Variants in BBS9 observed in about 807,000 individuals in gnomAD.
BBS9 encodes the protein Bardet-Biedl syndrome 9.
Under a neutral mutation model 117.7 loss-of-function variants are expected in BBS9, and 89 were observed. The observed-to-expected ratio is 0.76, with a 90% CI of 0.64 to 0.90. BBS9 has a LOEUF of 0.90. BBS9 is among the 40% of genes least tolerant of loss of function. The pLI, the probability that BBS9 is intolerant of heterozygous loss-of-function variation, is 0.00. For missense variants in BBS9, 982 were observed against 1,042.2 expected (o/e 0.94, Z 0.80); for synonymous variants, 379 against 370.9 (o/e 1.02, Z -0.25).
intron 19 of BBS9, among the ~76,000 whole-genome samples, chr7:33,475,822 A>G (rs1244133579): frequency 6.6e-6 from 1 of 152,178 alleles, no homozygotes; most frequent in Non-Finnish European, 1.5e-5. Flanking sequence ...TGGACAGGCA[A>G]CCAGCAGTGT....
chr7:33,352,765 C>A, intron 14 of BBS9, 94 bp from the exon 15 acceptor site: 1 of 1,361,798 alleles, frequency 7.3e-7, no homozygotes, highest in Non-Finnish European at 1.1e-6. Flanking sequence ...GTATTTTAAG[C>A]AGATATGTGT....
rs577536627 is a variant in BBS9 at position 33,146,357 on chromosome 7, T to G, written c.105T>G (p.Asn35Lys). The change falls in exon 2 of 23, where the codon AAT becomes AAG. Residue 35 changes from asparagine to lysine, a missense_variant. Coordinates refer to ENST00000242067, the MANE Select transcript of BBS9 (RefSeq NM_198428.3). ...TGGCTAATGTTGACAATAGTGGAAATGGACAAGGTAAGCAACTTACAACCA... is the reference window on the plus strand; with the variant it reads ...TGGCTAATGTTGACAATAGTGGAAAGGGACAAGGTAAGCAACTTACAACCA... ...LCLANVDNSG[N>K]GQDKIIVGSF... 5.6e-6 allele frequency: 9 copies of G among 1,612,570 alleles called. No individual in the cohort carries two copies. Among genetic ancestry groups the G allele is most frequent in the Admixed American group, 1.7e-5 (1 of 60,012 alleles).
intron 4 of BBS9, among the ~76,000 whole-genome samples, chr7:33,175,751 A>G (rs1359464393): frequency 6.6e-6 from 1 of 152,190 alleles, no homozygotes; most frequent in Non-Finnish European, 1.5e-5. Context: ...TAGGTTCTCC[A>G]GCTGGGGCTC....
chr7:33,612,678 C>T (rs1273703139), intron 21 of BBS9, among the ~76,000 whole-genome samples: 1 of 152,018 alleles, frequency 6.6e-6, no homozygotes, highest in African/African-American at 2.4e-5. Flanking sequence ...TCCTTCATCC[C>T]ATCAAAGCTC....
At chr7:33,406,096 T>C (rs547181475) in intron 19 of BBS9, among the ~76,000 whole-genome samples, 1 of 152,240 alleles carries the variant, frequency 6.6e-6, no homozygotes, top group South Asian at 2.1e-4. Context: ...CATTTCGTTA[T>C]GTACCCAGTA....
intron 19 of BBS9, among the ~76,000 whole-genome samples, chr7:33,467,908 C>G (rs948635474): frequency 6.6e-5 from 10 of 152,062 alleles, no homozygotes; most frequent in African/African-American, 2.2e-4. Context: ...AAGCTGAAAT[C>G]TAAATATGGA....
intron 20 of BBS9, among the ~76,000 whole-genome samples, chr7:33,522,598 G>GT (rs918741457): frequency 1.3e-5 from 2 of 151,982 alleles, no homozygotes; most frequent in Non-Finnish European, 2.9e-5. Flanking sequence ...GGGGTTGTTT[G>GT]TTTTTTTCTT....
intron 5 of BBS9, among the ~76,000 whole-genome samples, chr7:33,254,221 A>G (rs1019192113): frequency 5.9e-5 from 9 of 151,930 alleles, no homozygotes; most frequent in Admixed American, 5.2e-4. Context: ...CCCCCTTTCT[A>G]ATTTACCACT....
At position 33,447,309 on chromosome 7, in the gene BBS9, G is replaced by C. The variant is rs368418604; in HGVS notation, c.2116-58154G>C. 3.9e-5 allele frequency among the ~76,000 whole-genome samples: 6 copies of C among 152,318 alleles called. No individual in the cohort carries two copies. In the East Asian group the frequency reaches 7.7e-4, roughly 20 times the overall value. ...CGGAAGCTGCGGGGAAGCAATCATA[G>C]TGGGCACCTCTCAAAGAAATAGATG... On this transcript the variant is annotated intron_variant, in intron 19 of 22. Transcript: ENST00000242067.
At chr7:33,573,519 C>A (rs1858199710) in intron 21 of BBS9, among the ~76,000 whole-genome samples, 1 of 152,036 alleles carries the variant, frequency 6.6e-6, no homozygotes, top group Admixed American at 6.6e-5. Flanking sequence ...TATAGTTCTC[C>A]AATTTATGGA....
intron 5 of BBS9, among the ~76,000 whole-genome samples, chr7:33,217,151 T>C (rs1199565878): frequency 6.6e-6 from 1 of 152,030 alleles, no homozygotes; most frequent in African/African-American, 2.4e-5. Context: ...GCAAGGAATA[T>C]ATTTGGTGAA....
chr7:33,438,749 G>T (rs1835682684), intron 19 of BBS9, among the ~76,000 whole-genome samples: 1 of 152,086 alleles, frequency 6.6e-6, no homozygotes, highest in South Asian at 2.1e-4. Context: ...GAAAGAACTT[G>T]GGCTATATAC....
intron 21 of BBS9, among the ~76,000 whole-genome samples, chr7:33,565,781 GTATATATATATATATA>G (rs70989957): frequency 0.01 from 672 of 65,624 alleles, 15 homozygotes; most frequent in African/African-American, 0.027. Context: ...GCTATCAGTA[GTATATATATATATATA>G]TATATATATA....
At chr7:33,411,039 A>G (rs1411398850) in intron 19 of BBS9, among the ~76,000 whole-genome samples, 1 of 107,516 alleles carries the variant, frequency 9.3e-6, no homozygotes, top group South Asian at 2.8e-4. Context: ...TTTGCTTTAT[A>G]TATCTCCAAT....
At chr7:33,250,364 T>C (rs1796037054) in intron 5 of BBS9, among the ~76,000 whole-genome samples, 1 of 152,226 alleles carries the variant, frequency 6.6e-6, no homozygotes, top group African/African-American at 2.4e-5. Flanking sequence ...TCCATATTTC[T>C]TACAGCTCCT....
At chr7:33,585,534 CT>C (rs1213275368) in intron 21 of BBS9, among the ~76,000 whole-genome samples, 2 of 151,996 alleles carry the variant, frequency 1.3e-5, no homozygotes, top group Non-Finnish European at 2.9e-5. Context: ...GTCACTTAAG[CT>C]TTTTACAGCT....
At chr7:33,306,764 G>A (rs1326948788) in intron 9 of BBS9, among the ~76,000 whole-genome samples, 1 of 152,070 alleles carries the variant, frequency 6.6e-6, no homozygotes, top group African/African-American at 2.4e-5. Flanking sequence ...CATGTGTGTA[G>A]GAGTTGCTTT....
intron 19 of BBS9, among the ~76,000 whole-genome samples, chr7:33,495,112 A>G (rs1844534229): frequency 6.6e-6 from 1 of 152,238 alleles, no homozygotes; most frequent in African/African-American, 2.4e-5. Flanking sequence ...AAGAGGATTC[A>G]TAGAAAAGCC....
intron 9 of BBS9, among the ~76,000 whole-genome samples, chr7:33,332,681 CA>C (rs1814371993): frequency 4.3e-4 from 2 of 4,640 alleles, no homozygotes; most frequent in African/African-American, 4.6e-4. Context: ...CATGTCAAAA[CA>C]ACAACAACAA....
Sources: allele counts gnomAD v4.1 joint callset (sites outside exome capture counted in the v4.1 genomes callset), GRCh38; gene constraint gnomAD v4.1.1; transcripts MANE v1.5; gene names NCBI Gene and HGNC (gene_info 2026-07-23, HGNC 2026-07-21).